HPCAL1: variants seen among roughly 807,000 people sequenced by gnomAD.
The protein encoded by HPCAL1 is hippocalcin-like protein 1.
Under a neutral mutation model 17.1 loss-of-function variants are expected in HPCAL1, and 8 were observed. The ratio of observed to expected loss-of-function variants is 0.47; its 90% CI spans 0.27 to 0.84. HPCAL1 has a LOEUF of 0.84. Among genes scored for constraint, HPCAL1 ranks in the 40% least tolerant of loss-of-function variants. The pLI, the probability that HPCAL1 is intolerant of heterozygous loss-of-function variation, is 0.13. For synonymous variants in HPCAL1, 112 were observed against 111.4 expected, an observed-to-expected ratio of 1.01 and a Z score of -0.03; for missense variants, 165 against 271.1, an observed-to-expected ratio of 0.61 and a Z score of 2.75.
In HPCAL1 at chr2:10,377,126, T is replaced by G. The variant is rs1667619755; in HGVS notation, c.-110-19709T>G. On this transcript the variant is annotated intron_variant, in intron 1 of 4. Transcript: ENST00000307845. This position sits in a 1 kb window ranked among gnomAD's most constrained non-coding sequence, Gnocchi z 5.9. ...AAATTTGAAGGCAGTACTCTGTTCC[T>G]GGGTGTGCACCGTTAACTTCTTTAA... Among the ~76,000 whole-genome samples, 1 of 152,248 alleles carries G rather than the reference T, an allele frequency of 6.6e-6. No individual in the cohort carries two copies. Among genetic ancestry groups the G allele is most frequent in the South Asian group, 2.1e-4 (1 of 4,836 alleles).
Position 10,394,076 on chromosome 2 carries a change from C to T in HPCAL1, c.-110-2759C>T, listed in dbSNP as rs1239362676. 6.6e-6 allele frequency among the ~76,000 whole-genome samples: 1 copy of T among 152,102 alleles called. No homozygotes were observed. The highest frequency in any genetic ancestry group is 6.5e-5 in the Admixed American group (1 of 15,276). On this transcript the variant is annotated intron_variant, in intron 1 of 4. Transcript: ENST00000307845. This position sits in a 1 kb window ranked among gnomAD's most constrained non-coding sequence, Gnocchi z 5.0. ...GCTGCAGTGAGCTTTGATTGTGCCA[C>T]TGCGCTCCAGCCTGGGTGACAGAGC...
rs542105653 is a variant in HPCAL1 at position 10,365,861 on chromosome 2, C to T, written c.-110-30974C>T. Among the ~76,000 whole-genome samples the T allele has an allele frequency of 2.0e-5, 3 of 152,254 alleles. No homozygotes were observed. The highest frequency in any genetic ancestry group is 3.9e-4 in the East Asian group (2 of 5,184). ...TTGCTGCCTCTCTGTGAGCGAGCCT[C>T]GCCTGCTGGGTGCTGAGCCCACACC... On this transcript the variant is annotated intron_variant, in intron 1 of 4. Coordinates refer to ENST00000307845, the MANE Select transcript of HPCAL1 (RefSeq NM_002149.4). The surrounding 1 kb of genome is among the most constrained non-coding windows in gnomAD (Gnocchi z 4.8).
chr2:10,357,698 C>T (rs893162513), intron 1 of HPCAL1, among the ~76,000 whole-genome samples: 2 of 152,152 alleles, frequency 1.3e-5, no homozygotes, highest in Non-Finnish European at 2.9e-5. Flanking sequence ...GTTATTTACT[C>T]GTTTTGTTTT....
Position 10,378,678 on chromosome 2 carries a change from C to T in HPCAL1, c.-110-18157C>T, listed in dbSNP as rs373461394. On this transcript the variant is annotated intron_variant, in intron 1 of 4. Transcript: ENST00000307845. ...CCCCACCCCCTACCACCATCGCCCT[C>T]GGGGTTAGGGCGCCTGGGTACACAT... Among the ~76,000 whole-genome samples the T allele has an allele frequency of 8.1e-4, 124 of 152,266 alleles. No individual in the cohort carries two copies. In the South Asian group the frequency reaches 0.018, roughly 22 times the overall value.
Position 10,367,231 on chromosome 2 carries a change from T to C in HPCAL1, c.-110-29604T>C, listed in dbSNP as rs1301380711. 6.6e-6 allele frequency among the ~76,000 whole-genome samples: 1 copy of C among 151,978 alleles called. No individual in the cohort carries two copies. Among genetic ancestry groups the C allele is most frequent in the African/African-American group, 2.4e-5 (1 of 41,342 alleles). The stretch of plus-strand genomic sequence containing the variant: ...CTGAGACTTTTTACAGTTAGATATT[T>C]AATATACAGATGACGGGCGGATGGT... On this transcript the variant is annotated intron_variant, in intron 1 of 4. Transcript: ENST00000307845. This position sits in a 1 kb window ranked among gnomAD's most constrained non-coding sequence, Gnocchi z 4.4.
intron 1 of HPCAL1, among the ~76,000 whole-genome samples, chr2:10,336,254 A>G (rs1289934885): frequency 6.6e-6 from 1 of 152,224 alleles, no homozygotes; most frequent in Non-Finnish European, 1.5e-5. Context: ...GCATGTTCAT[A>G]TCCTTTGTCC....
At position 10,419,321 on chromosome 2, in the gene HPCAL1, G is replaced by T. The variant is rs563560835; in HGVS notation, c.-24-413G>T. Among the ~76,000 whole-genome samples the T allele has an allele frequency of 6.6e-6, 1 of 152,156 alleles. No homozygotes were observed. The highest frequency in any genetic ancestry group is 2.4e-5 in the African/African-American group (1 of 41,424). On this transcript the variant is annotated intron_variant, in intron 2 of 4. Coordinates refer to ENST00000307845, the MANE Select transcript of HPCAL1 (RefSeq NM_002149.4). This position sits in a 1 kb window ranked among gnomAD's most constrained non-coding sequence, Gnocchi z 5.0. ...AACATAATGTGATGCCTGAAAGAGG[G>T]AAGAACTGCCCCAAAGAGTCTGGGA...
chr2:10,348,587 G>A (rs1665619425), intron 1 of HPCAL1, among the ~76,000 whole-genome samples: 1 of 139,126 alleles, frequency 7.2e-6, no homozygotes, highest in Admixed American at 7.8e-5. Flanking sequence ...AGCATAGCAA[G>A]ATCCTGTCTC....
intron 2 of HPCAL1, among the ~76,000 whole-genome samples, chr2:10,414,497 T>A (rs1463491797): frequency 6.6e-6 from 1 of 152,178 alleles, no homozygotes; most frequent in Non-Finnish European, 1.5e-5. Context: ...TGTGTCTGTG[T>A]CCTCATCTCC....
At chr2:10,307,654 T>C (rs1467004659) in intron 1 of HPCAL1, among the ~76,000 whole-genome samples, 1 of 152,210 alleles carries the variant, frequency 6.6e-6, no homozygotes, top group Non-Finnish European at 1.5e-5. Flanking sequence ...GTTTTGGAGC[T>C]CTTTCTCTGT....
In HPCAL1 at chr2:10,310,904, A is replaced by G. The variant is rs1057060896; in HGVS notation, c.-111+7727A>G. On this transcript the variant is annotated intron_variant, in intron 1 of 4. Coordinates refer to ENST00000307845, the MANE Select transcript of HPCAL1 (RefSeq NM_002149.4). This position sits in a 1 kb window ranked among gnomAD's most constrained non-coding sequence, Gnocchi z 4.5. ...GTTTCCAGAAAGCAGAATTGATGAC[A>G]GCCCCAACTCCTCCCTTTCACTCCC... 2.0e-5 allele frequency among the ~76,000 whole-genome samples: 3 copies of G among 152,224 alleles called. No homozygotes were observed. Among genetic ancestry groups the G allele is most frequent in the African/African-American group, 7.2e-5 (3 of 41,456 alleles).
Position 10,413,964 on chromosome 2 carries a change from T to C in HPCAL1, c.-24-5770T>C, listed in dbSNP as rs569049489. 7.2e-5 allele frequency among the ~76,000 whole-genome samples: 11 copies of C among 152,360 alleles called. No individual in the cohort carries two copies. The South Asian group carries it at 2.3e-3, about 32-fold the overall frequency. Reference sequence around the variant, plus strand: ...GGGCCTGCCACTAGCCAACAATGTGTCCATCACCATGTCGCCCTTGCCTGG... The same window carrying C: ...GGGCCTGCCACTAGCCAACAATGTGCCCATCACCATGTCGCCCTTGCCTGG... On this transcript the variant is annotated intron_variant, in intron 2 of 4. Coordinates refer to ENST00000307845, the MANE Select transcript of HPCAL1 (RefSeq NM_002149.4).
rs567811883 is a variant in HPCAL1 at position 10,308,718 on chromosome 2, T to C, written c.-111+5541T>C. Among the ~76,000 whole-genome samples the C allele has an allele frequency of 2.6e-5, 4 of 152,262 alleles. No homozygotes were observed. In the East Asian group the frequency reaches 7.7e-4, roughly 29 times the overall value. ...GGTGTGTTGGCTGGACCAGCTGAAGTTGTGTTCCTCACATTTCTTTTGTAT... is the reference window on the plus strand; with the variant it reads ...GGTGTGTTGGCTGGACCAGCTGAAGCTGTGTTCCTCACATTTCTTTTGTAT... On this transcript the variant is annotated intron_variant, in intron 1 of 4. Coordinates refer to ENST00000307845, the MANE Select transcript of HPCAL1 (RefSeq NM_002149.4).
At chr2:10,328,603 C>T (rs1400874178) in intron 1 of HPCAL1, among the ~76,000 whole-genome samples, 1 of 152,178 alleles carries the variant, frequency 6.6e-6, no homozygotes, top group Non-Finnish European at 1.5e-5. Flanking sequence ...TGCTCTTGGA[C>T]ATGGAGCTCC....
At chr2:10,385,795 T>C (rs1328624636) in intron 1 of HPCAL1, among the ~76,000 whole-genome samples, 2 of 152,316 alleles carry the variant, frequency 1.3e-5, no homozygotes, top group East Asian at 3.9e-4. Flanking sequence ...CCCCCACATG[T>C]TCTGTAGGCT....
chr2:10,400,193 G>A (rs907608152), intron 2 of HPCAL1, among the ~76,000 whole-genome samples: 3 of 152,200 alleles, frequency 2.0e-5, no homozygotes, highest in African/African-American at 7.2e-5. Context: ...CAAGGAGGGG[G>A]CGAGCAGGCG....
intron 2 of HPCAL1, among the ~76,000 whole-genome samples, chr2:10,398,089 C>T (rs545664070): frequency 9.8e-5 from 15 of 152,328 alleles, no homozygotes; most frequent in African/African-American, 3.6e-4. Context: ...TTGTCACTCA[C>T]CACCCTGCCC....
chr2:10,371,948 C>T (rs564337051), intron 1 of HPCAL1, among the ~76,000 whole-genome samples: 4 of 152,326 alleles, frequency 2.6e-5, no homozygotes, highest in South Asian at 4.1e-4. Flanking sequence ...CCTCCAGGCC[C>T]GCCAGCGCCT....
intron 2 of HPCAL1, among the ~76,000 whole-genome samples, chr2:10,400,696 C>T (rs1251581896): frequency 2.0e-5 from 3 of 152,206 alleles, no homozygotes; most frequent in African/African-American, 7.2e-5. Context: ...CCCTCAGCCA[C>T]GGAGGGCAGA....
Sources: allele counts gnomAD v4.1 joint callset (sites outside exome capture counted in the v4.1 genomes callset), GRCh38; gene constraint gnomAD v4.1.1; non-coding constraint Gnocchi (gnomAD v3.1); transcripts MANE v1.5; gene names NCBI Gene and HGNC (gene_info 2026-07-23, HGNC 2026-07-21).